GRXCR1: variants seen among roughly 807,000 people sequenced by gnomAD.
GRXCR1 encodes the protein glutaredoxin and cysteine rich domain containing 1.
Under a neutral mutation model 27.3 loss-of-function variants are expected in GRXCR1, and 27 were observed. The ratio of observed to expected loss-of-function variants is 0.99; its 90% CI spans 0.73 to 1.37. The LOEUF (loss-of-function observed/expected upper bound fraction) is 1.37, where lower values mean the gene tolerates loss of function less well. Ranked by LOEUF, GRXCR1 falls within the 40% of genes most tolerant of loss-of-function variation. GRXCR1 has a pLI of 0.00. For synonymous variants in GRXCR1, 122 were observed against 131.1 expected (o/e 0.93, Z 0.47); for missense variants, 379 against 354.4 (o/e 1.07, Z -0.56).
intron 1 of GRXCR1, among the ~76,000 whole-genome samples, chr4:42,895,479 G>C (rs1032661038): frequency 1.3e-5 from 2 of 151,966 alleles, no homozygotes; most frequent in African/African-American, 4.8e-5. Flanking sequence ...ACAAATTTTG[G>C]TCATTATCTT....
chr4:42,932,607 T>C (rs1193905069), intron 1 of GRXCR1, among the ~76,000 whole-genome samples: 6 of 55,336 alleles, frequency 1.1e-4, no homozygotes, highest in Non-Finnish European at 2.1e-4. Context: ...TATATATATA[T>C]ATATATATAT....
chr4:42,913,067 C>CA (rs1159545698), intron 1 of GRXCR1, among the ~76,000 whole-genome samples: 4 of 152,152 alleles, frequency 2.6e-5, no homozygotes, highest in Non-Finnish European at 4.4e-5. Flanking sequence ...TCCAGCCATG[C>CA]AGAACTGTGA....
At chr4:42,992,399 A>G (rs1176188547) in intron 2 of GRXCR1, among the ~76,000 whole-genome samples, 1 of 152,130 alleles carries the variant, frequency 6.6e-6, no homozygotes, top group African/African-American at 2.4e-5. Flanking sequence ...CTTCATATTA[A>G]TTAGAACACA....
intron 2 of GRXCR1, among the ~76,000 whole-genome samples, chr4:42,966,725 T>A (rs1411563684): frequency 6.6e-6 from 1 of 152,106 alleles, no homozygotes; most frequent in Non-Finnish European, 1.5e-5. Flanking sequence ...CTTCTGGATA[T>A]TAGCCATTCT....
At chr4:42,975,395 T>C (rs375895696) in intron 2 of GRXCR1, among the ~76,000 whole-genome samples, 1 of 152,128 alleles carries the variant, frequency 6.6e-6, no homozygotes, top group African/African-American at 2.4e-5. Context: ...TAGCAGGAAT[T>C]AGTGCCCTTT....
intron 1 of GRXCR1, among the ~76,000 whole-genome samples, chr4:42,916,354 A>C (rs531869866): frequency 2.0e-5 from 3 of 152,162 alleles, no homozygotes; most frequent in Non-Finnish European, 2.9e-5. Context: ...AGAAAACAGT[A>C]AGTTATAAAC....
chr4:42,985,928 T>C (rs985433552), intron 2 of GRXCR1, among the ~76,000 whole-genome samples: 1 of 152,162 alleles, frequency 6.6e-6, no homozygotes, highest in African/African-American at 2.4e-5. Flanking sequence ...TCTCTGAGAG[T>C]TTCTGGCCCT....
chr4:42,894,878 AATT>A lies in GRXCR1; in HGVS notation c.384+1235_384+1237del, dbSNP rs376683262. 1.9e-3 allele frequency among the ~76,000 whole-genome samples: 288 copies of A among 152,224 alleles called. 3 individuals are homozygous for A. Among genetic ancestry groups the A allele is most frequent in the African/African-American group, 6.4e-3 (268 of 41,570 alleles). On this transcript the variant is annotated intron_variant, in intron 1 of 3. Transcript: ENST00000399770. ...GCCACCAAGTTTCACCAAATGCAGA[AATT>A]ATTATTGCTAAGGAGTAGACCAAGA...
chr4:42,937,151 A>C (rs992549398), intron 1 of GRXCR1, among the ~76,000 whole-genome samples: 1 of 151,972 alleles, frequency 6.6e-6, no homozygotes, highest in African/African-American at 2.4e-5. Context: ...GTGTGGACTC[A>C]TAGGTATTTA....
chr4:42,898,908 A>G (rs1041116995), intron 1 of GRXCR1, among the ~76,000 whole-genome samples: 2 of 152,112 alleles, frequency 1.3e-5, no homozygotes, highest in Non-Finnish European at 2.9e-5. Flanking sequence ...ATTCCAAATG[A>G]TGCGAGAAAC....
chr4:42,977,698 G>A (rs565056240), intron 2 of GRXCR1, among the ~76,000 whole-genome samples: 7 of 151,912 alleles, frequency 4.6e-5, no homozygotes, highest in Non-Finnish European at 8.8e-5. Flanking sequence ...GTATATTCTG[G>A]AAATTCATCC....
intron 2 of GRXCR1, among the ~76,000 whole-genome samples, chr4:42,973,778 T>A (rs901349949): frequency 6.6e-6 from 1 of 152,156 alleles, no homozygotes; most frequent in African/African-American, 2.4e-5. Context: ...GATGGATAGG[T>A]TATTTGATCC....
At chr4:43,009,903 C>A (rs1038619716) in intron 2 of GRXCR1, among the ~76,000 whole-genome samples, 1 of 151,964 alleles carries the variant, frequency 6.6e-6, no homozygotes, top group African/African-American at 2.4e-5. Flanking sequence ...ATATATCATC[C>A]ATATGAATCA....
chr4:42,948,122 C>T (rs1747789888), intron 1 of GRXCR1, among the ~76,000 whole-genome samples: 1 of 152,112 alleles, frequency 6.6e-6, no homozygotes, highest in Non-Finnish European at 1.5e-5. Flanking sequence ...AATTCAACCT[C>T]TGGCTTTATG....
chr4:43,004,342 C>A (rs1712480575), intron 2 of GRXCR1, among the ~76,000 whole-genome samples: 1 of 152,232 alleles, frequency 6.6e-6, no homozygotes, highest in African/African-American at 2.4e-5. Flanking sequence ...CATGGAGAAC[C>A]TCTACTAGGG....
At chr4:43,023,290 C>G (rs370068063) in intron 3 of GRXCR1, among the ~76,000 whole-genome samples, 1 of 152,184 alleles carries the variant, frequency 6.6e-6, no homozygotes, top group African/African-American at 2.4e-5. Flanking sequence ...TATGACCACT[C>G]CTGGTCCTCA....
At chr4:42,900,390 T>C (rs1577897304) in intron 1 of GRXCR1, among the ~76,000 whole-genome samples, 3 of 152,320 alleles carry the variant, frequency 2.0e-5, no homozygotes, top group Admixed American at 2.0e-4. Context: ...CCTTAGAACA[T>C]TGCATCAGGA....
At chr4:42,908,450 G>T (rs1447711978) in intron 1 of GRXCR1, among the ~76,000 whole-genome samples, 1 of 152,148 alleles carries the variant, frequency 6.6e-6, no homozygotes, top group African/African-American at 2.4e-5. Context: ...GTTGAAGCTG[G>T]CCAGAGACTC....
At chr4:42,969,609 C>G (rs1212770125) in intron 2 of GRXCR1, among the ~76,000 whole-genome samples, 1 of 152,042 alleles carries the variant, frequency 6.6e-6, no homozygotes, top group Non-Finnish European at 1.5e-5. Context: ...TCCAAACAAC[C>G]AGATCTCGTG....
Sources: allele counts gnomAD v4.1 joint callset (sites outside exome capture counted in the v4.1 genomes callset), GRCh38; gene constraint gnomAD v4.1.1; transcripts MANE v1.5; gene names NCBI Gene and HGNC (gene_info 2026-07-23, HGNC 2026-07-21).